MBTPS2: variants seen among roughly 807,000 people sequenced by gnomAD.
The protein encoded by MBTPS2 is membrane-bound transcription factor site-2 protease.
Under a neutral mutation model 35.4 loss-of-function variants are expected in MBTPS2, and 2 were observed. That is an observed-to-expected ratio of 0.06 (90% CI 0.02 to 0.18). The LOEUF (loss-of-function observed/expected upper bound fraction) is 0.18, where lower values mean the gene tolerates loss of function less well. MBTPS2 is among the 10% of genes least tolerant of loss of function. MBTPS2 has a pLI of 1.00. For synonymous variants in MBTPS2, 125 were observed against 140.4 expected (o/e 0.89, Z 0.77); for missense variants, 244 against 386.5 (o/e 0.63, Z 3.09).
intron 5 of MBTPS2, chrX:21,856,341 CCTTTCT>C (rs2092921959): frequency 1.8e-6 from 1 of 541,737 alleles, no homozygotes; most frequent in African/African-American, 2.4e-5. Context: ...GCAGCTCGCG[CCTTTCT>C]CTGCAGCTCG....
Position 21,866,094 on chromosome X carries a change from C to T in MBTPS2, c.671-2373C>T, listed in dbSNP as rs138695879. On this transcript the variant is annotated intron_variant, in intron 5 of 10. Coordinates refer to ENST00000379484, the MANE Select transcript of MBTPS2 (RefSeq NM_015884.4). ...TGCTGGGATTACAGGCATGAGCCAC[C>T]GTGCCCGGCCCCATGATATTTTTAA... Among the ~76,000 whole-genome samples, 612 of 111,267 alleles carry T rather than the reference C, an allele frequency of 5.5e-3. 2 individuals carry two copies. Among genetic ancestry groups the T allele is most frequent in the African/African-American group, 0.019 (582 of 30,679 alleles).
chrX:21,862,917 A>T (rs868531771), intron 5 of MBTPS2, among the ~76,000 whole-genome samples: 11 of 49,221 alleles, frequency 2.2e-4, no homozygotes, highest in Non-Finnish European at 4.0e-4. Flanking sequence ...TAAATATATA[A>T]ACATATATAT....
At position 21,883,441 on chromosome X, in the gene MBTPS2, G is replaced by A. The variant is rs1470404483; in HGVS notation, c.*786G>A. The stretch of plus-strand genomic sequence containing the variant: ...AGGGAGGCAGTTGGGGTTGAACTTC[G>A]GAACTAGGCCGGGTCTCCTGACAGA... On this transcript the variant is annotated 3_prime_UTR_variant, in exon 11 of 11. Coordinates refer to ENST00000379484, the MANE Select transcript of MBTPS2 (RefSeq NM_015884.4). 1.2e-5 allele frequency: 9 copies of A among 752,596 alleles called. No individual in the cohort carries two copies. The highest frequency in any genetic ancestry group is 2.3e-5 in the African/African-American group (1 of 43,060). The allele number at this position is 752,596 out of a possible 1,213,427, so 62.0% of individuals were successfully genotyped here. A position where few individuals can be genotyped will look rare whatever the true frequency, so the allele number is the denominator to read the frequency against.
intron 5 of MBTPS2, chrX:21,856,308 C>A: frequency 1.1e-5 from 4 of 367,804 alleles, no homozygotes; most frequent in Non-Finnish European, 1.9e-5. Flanking sequence ...TCGCGCCTTT[C>A]TCTGCAGCTC....
chrX:21,856,460 C>A (rs759882552), intron 5 of MBTPS2: 8 of 1,189,665 alleles, frequency 6.7e-6, no homozygotes, highest in Non-Finnish European at 9.1e-6. Flanking sequence ...CTTCCCGTTG[C>A]CGCTAACCTA....
chrX:21,857,597 C>T (rs1383141021), intron 5 of MBTPS2: 2 of 1,200,301 alleles, frequency 1.7e-6, no homozygotes, highest in Admixed American at 2.2e-5. Context: ...CCAAAAACAA[C>T]CCGTGAAAAG....
intron 4 of MBTPS2, among the ~76,000 whole-genome samples, 159 bp downstream of exon 4, chrX:21,851,771 C>CT: frequency 8.9e-6 from 1 of 111,909 alleles, no homozygotes; most frequent in Non-Finnish European, 1.9e-5. Context: ...GAGGAAGCTT[C>CT]TTTTTTTATA....
rs200432080 is a variant in MBTPS2 at position 21,869,707 on chromosome X, T to C, written c.970+29T>C. The C allele has an allele frequency of 9.2e-5, 98 of 1,068,900 alleles. No individual in the cohort carries two copies. The East Asian group carries it at 2.8e-3, about 31-fold the overall frequency. The allele number at this position is 1,068,900 out of a possible 1,213,427, so 88.1% of individuals were successfully genotyped here. On this transcript the variant is annotated intron_variant, in intron 7 of 10. Coordinates refer to ENST00000379484, the MANE Select transcript of MBTPS2 (RefSeq NM_015884.4). ...TGTATATTTCCTCAATATAATATAA[T>C]GCTTCAAGCACCAGTACCTGCCATT...
intron 5 of MBTPS2, among the ~76,000 whole-genome samples, chrX:21,860,516 T>A (rs5951644): frequency 0.53 from 59,525 of 111,282 alleles, 12,597 homozygotes; most frequent in African/African-American, 0.81. Flanking sequence ...GTACTTATAA[T>A]CCAATCATTA....
At chrX:21,844,064 C>CACACCACTGCACTGCAGCCTGTGTG (rs2092905774) in intron 2 of MBTPS2, among the ~76,000 whole-genome samples, 1 of 108,067 alleles carries the variant, frequency 9.3e-6, no homozygotes, top group African/African-American at 3.4e-5. Context: ...GAGCCAAGAT[C>CACACCACTGCACTGCAGCCTGTGTG]ACACCACTGC....
chrX:21,862,853 T>C (rs182733347), intron 5 of MBTPS2, among the ~76,000 whole-genome samples: 2,006 of 90,300 alleles, frequency 0.022, 56 homozygotes, highest in African/African-American at 0.073. Flanking sequence ...TATATATATA[T>C]ACACATATAT....
Position 21,883,250 on chromosome X carries a change from A to G in MBTPS2, c.*595A>G. Reference sequence around the variant, plus strand: ...AAAAATCTTTGTCAAATGATACCAAATAAATGAACAAAACAGGAAGTAGGG... The same window carrying G: ...AAAAATCTTTGTCAAATGATACCAAGTAAATGAACAAAACAGGAAGTAGGG... On this transcript the variant is annotated 3_prime_UTR_variant, in exon 11 of 11. Transcript: ENST00000379484. 4.0e-6 allele frequency: 3 copies of G among 758,132 alleles called. No homozygotes were observed. Among genetic ancestry groups the G allele is most frequent in the Non-Finnish European group, 4.7e-6 (3 of 641,151 alleles). 62.5% of individuals were successfully genotyped at this position (758,132 alleles called of 1,213,427 possible).
In MBTPS2 at chrX:21,884,781, A is replaced by T; in HGVS notation, c.*2126A>T. The T allele has an allele frequency of 1.5e-6, 1 of 665,010 alleles. No individual in the cohort carries two copies. Among genetic ancestry groups the T allele is most frequent in the Non-Finnish European group, 1.8e-6 (1 of 557,900 alleles). 54.8% of individuals were successfully genotyped at this position (665,010 alleles called of 1,213,427 possible). A position where few individuals can be genotyped will look rare whatever the true frequency, so the allele number is the denominator to read the frequency against. On this transcript the variant is annotated 3_prime_UTR_variant, in exon 11 of 11. Transcript: ENST00000379484. ...AAATGCAGTTGAATGGATAATGATT[A>T]GTGTTATTTATGGATTAGAAAAAGC...
chrX:21,846,983 G>C (rs1157780469), intron 3 of MBTPS2, among the ~76,000 whole-genome samples: 1 of 111,335 alleles, frequency 9.0e-6, no homozygotes, highest in Non-Finnish European at 1.9e-5. Flanking sequence ...TGAAGGGGAT[G>C]GATTCAAGTA....
chrX:21,856,601 C>G (rs751297654), intron 5 of MBTPS2: 1 of 1,211,841 alleles, frequency 8.3e-7, no homozygotes, highest in East Asian at 3.0e-5. Flanking sequence ...CGACGGAAAG[C>G]GTCCAGTACG....
At chrX:21,849,941 G>A (rs1453488885) in intron 3 of MBTPS2, among the ~76,000 whole-genome samples, 2 of 106,268 alleles carry the variant, frequency 1.9e-5, no homozygotes, top group Non-Finnish European at 3.9e-5. Flanking sequence ...GCAGGAGAAC[G>A]GCGTGAACCC....
At chrX:21,864,966 G>A (rs943342107) in intron 5 of MBTPS2, among the ~76,000 whole-genome samples, 5 of 98,026 alleles carry the variant, frequency 5.1e-5, no homozygotes, top group East Asian at 6.5e-4. Flanking sequence ...CTGCAGCCTC[G>A]ACCTCCTGGG....
Position 21,884,579 on chromosome X carries a change from C to T in MBTPS2, c.*1924C>T. The T allele has an allele frequency of 2.7e-6, 2 of 753,941 alleles. No homozygotes were observed. Among genetic ancestry groups the T allele is most frequent in the Non-Finnish European group, 3.1e-6 (2 of 639,108 alleles). The allele number at this position is 753,941 out of a possible 1,213,427, so 62.1% of individuals were successfully genotyped here. On this transcript the variant is annotated 3_prime_UTR_variant, in exon 11 of 11. Coordinates refer to ENST00000379484, the MANE Select transcript of MBTPS2 (RefSeq NM_015884.4). Reference sequence around the variant, plus strand: ...GACCCATAGGATCAGGATTTGGGAACCACTTTACTAGGAAAGAGCAGATCA... The same window carrying T: ...GACCCATAGGATCAGGATTTGGGAATCACTTTACTAGGAAAGAGCAGATCA...
chrX:21,882,295 G>A (rs969102034), intron 10 of MBTPS2, 138 bp from the exon 11 acceptor site: 74 of 498,836 alleles, frequency 1.5e-4, no homozygotes, highest in Non-Finnish European at 2.2e-4. Flanking sequence ...ATCTAAGAAG[G>A]AATGGCAGAG....
Sources: gnomAD v4.1 joint callset for allele counts (sites outside exome capture counted in the v4.1 genomes callset) on GRCh38, gnomAD v4.1.1 for gene constraint, MANE v1.5 for transcripts, NCBI Gene and HGNC (gene_info 2026-07-23, HGNC 2026-07-21) for gene names.